TRDN: variants seen among roughly 807,000 people sequenced by gnomAD.
TRDN encodes triadin.
TRDN carries 161 observed loss-of-function variants against 149.7 expected under a neutral mutation model. That is an observed-to-expected ratio of 1.08 (90% confidence interval 0.95 to 1.23). The LOEUF is 1.23. TRDN is among the 50% of genes most tolerant of loss of function. The pLI is 0.00. For missense variants in TRDN, 896 were observed against 823.5 expected, an observed-to-expected ratio of 1.09 and a Z score of -1.08; for synonymous variants, 294 against 250.5, an observed-to-expected ratio of 1.17 and a Z score of -1.64.
chr6:123,271,039 C>CTGTGTGTG lies in TRDN; in HGVS notation c.1720+92_1720+99dup, dbSNP rs35914221. The CTGTGTGTG allele has an allele frequency of 4.9e-3, 2,057 of 420,410 alleles. 32 individuals carry two copies. The highest frequency in any genetic ancestry group is 0.038 in the African/African-American group (1,841 of 48,274). The allele number at this position is 420,410 out of a possible 1,614,324, so 26.0% of individuals were successfully genotyped here. A position where few individuals can be genotyped will look rare whatever the true frequency, so the allele number is the denominator to read the frequency against. On this transcript the variant is annotated intron_variant, in intron 30 of 40. Transcript: ENST00000334268. ...AAAGCCTACACACTTCAGTGAAGGG[C>CTGTGTGTG]TGTGTGTGTGTGTGTGTGTGTGTGT...
At chr6:123,506,547 G>C (rs1442959136) in intron 7 of TRDN, among the ~76,000 whole-genome samples, 1 of 151,778 alleles carries the variant, frequency 6.6e-6, no homozygotes, top group East Asian at 1.9e-4. Context: ...GGAGTGCAAT[G>C]GTGCAATCTT....
intron 37 of TRDN, among the ~76,000 whole-genome samples, chr6:123,253,356 A>C (rs1183078688): frequency 6.6e-6 from 1 of 152,078 alleles, no homozygotes; most frequent in African/African-American, 2.4e-5. Flanking sequence ...TACATGGTTT[A>C]TTTTGAGATT....
chr6:123,350,150 T>C (rs186220948), intron 21 of TRDN: 5 of 970,986 alleles, frequency 5.1e-6, no homozygotes, highest in African/African-American at 3.5e-5. Flanking sequence ...TGATGGTTAG[T>C]AGACAAATCT....
At chr6:123,350,804 A>T in intron 21 of TRDN, 5 of 982,526 alleles carry the variant, frequency 5.1e-6, no homozygotes, top group Non-Finnish European at 6.0e-6. Context: ...CATTGAAAGA[A>T]CCTCATTTTT....
chr6:123,407,978 C>A (rs532564663), intron 12 of TRDN, among the ~76,000 whole-genome samples: 94 of 152,292 alleles, frequency 6.2e-4, no homozygotes, highest in African/African-American at 2.2e-3. Context: ...GGTGCCTGGT[C>A]TGGGTTTAAA....
In TRDN at chr6:123,280,652, CT is replaced by C. The variant is rs34195939; in HGVS notation, c.1511-1571del. Among the ~76,000 whole-genome samples the C allele has an allele frequency of 7.9e-4, 107 of 135,468 alleles. No homozygotes were observed. The East Asian group carries it at 9.4e-3, about 12-fold the overall frequency. The allele number at this position is 135,468 out of a possible 152,430, so 88.9% of individuals were successfully genotyped here. The stretch of plus-strand genomic sequence containing the variant: ...TCTTTTTGTTCCTCTTCTTTTCTTT[CT>C]TTTTTTTTTTTTTTGGCTAACCTCT... On this transcript the variant is annotated intron_variant, in intron 24 of 40. Coordinates refer to ENST00000334268, the MANE Select transcript of TRDN (RefSeq NM_006073.4).
chr6:123,465,233 A>G (rs1005496532), intron 9 of TRDN, among the ~76,000 whole-genome samples: 1 of 152,212 alleles, frequency 6.6e-6, no homozygotes, highest in Admixed American at 6.5e-5. Flanking sequence ...AATGTTAAAT[A>G]TATCTACTGG....
At chr6:123,328,875 T>C (rs1779562582) in intron 23 of TRDN, among the ~76,000 whole-genome samples, 1 of 152,180 alleles carries the variant, frequency 6.6e-6, no homozygotes, top group Admixed American at 6.5e-5. Flanking sequence ...AGCAATTCTG[T>C]TTAAGGATCC....
chr6:123,434,311 G>T (rs1379266107), intron 12 of TRDN, among the ~76,000 whole-genome samples: 3 of 152,132 alleles, frequency 2.0e-5, no homozygotes. Context: ...AGACTCACTT[G>T]CAGCCAGAGT....
Position 123,271,193 on chromosome 6 carries a change from T to C in TRDN, c.1673-7A>G. Reference sequence around the variant, plus strand: ...TGCTTGAGAACTTTTTCTTCTGTGATAGGAAAAAATGTTAACACAAGTAGG... The same window carrying C: ...TGCTTGAGAACTTTTTCTTCTGTGACAGGAAAAAATGTTAACACAAGTAGG... On this transcript the variant is annotated splice_region_variant and splice_polypyrimidine_tract_variant and intron_variant, in intron 29 of 40. Transcript: ENST00000334268. 6.5e-7 allele frequency: 1 copy of C among 1,529,956 alleles called. No individual in the cohort carries two copies. Among genetic ancestry groups the C allele is most frequent in the Non-Finnish European group, 8.8e-7 (1 of 1,138,432 alleles). The allele number at this position is 1,529,956 out of a possible 1,614,324, so 94.8% of individuals were successfully genotyped here.
chr6:123,618,958 G>T (rs550211305), intron 1 of TRDN, among the ~76,000 whole-genome samples: 111 of 151,986 alleles, frequency 7.3e-4, no homozygotes, highest in African/African-American at 2.6e-3. Flanking sequence ...TTTTACTAAA[G>T]GAATAAATGT....
At chr6:123,609,292 CT>C (rs1402299917) in intron 1 of TRDN, among the ~76,000 whole-genome samples, 2 of 151,980 alleles carry the variant, frequency 1.3e-5, no homozygotes. Context: ...CTTATATTTA[CT>C]GATAGGAAAA....
At chr6:123,353,143 G>T (rs1019099171) in intron 20 of TRDN, among the ~76,000 whole-genome samples, 17 of 151,770 alleles carry the variant, frequency 1.1e-4, no homozygotes, top group African/African-American at 3.9e-4. Flanking sequence ...ATTTACAGTA[G>T]TTGACAGTCC....
At chr6:123,524,839 A>G (rs1270996081) in intron 5 of TRDN, among the ~76,000 whole-genome samples, 2 of 152,148 alleles carry the variant, frequency 1.3e-5, no homozygotes, top group African/African-American at 4.8e-5. Flanking sequence ...GATATACAAA[A>G]GTCTTTGTGA....
intron 23 of TRDN, among the ~76,000 whole-genome samples, chr6:123,325,004 T>C (rs1218780662): frequency 2.0e-5 from 3 of 152,188 alleles, no homozygotes; most frequent in Admixed American, 6.6e-5. Flanking sequence ...TAAGATTTTA[T>C]TCTTTAGAAT....
chr6:123,274,193 C>T (rs1478296779), intron 27 of TRDN, among the ~76,000 whole-genome samples: 1 of 152,030 alleles, frequency 6.6e-6, no homozygotes, highest in Non-Finnish European at 1.5e-5. Context: ...CTATGCTAGT[C>T]CTTAGCTCAC....
intron 12 of TRDN, among the ~76,000 whole-genome samples, chr6:123,437,218 A>C (rs1774613822): frequency 6.6e-6 from 1 of 152,034 alleles, no homozygotes; most frequent in East Asian, 1.9e-4. Flanking sequence ...TCTCTTCTCA[A>C]GTTCATTGTA....
intron 20 of TRDN, among the ~76,000 whole-genome samples, chr6:123,353,533 T>A (rs929856714): frequency 8.6e-5 from 13 of 151,680 alleles, no homozygotes; most frequent in African/African-American, 3.1e-4. Flanking sequence ...TTTCATCAAA[T>A]ACAGGATGTA....
At chr6:123,581,479 A>G (rs896063503) in intron 1 of TRDN, among the ~76,000 whole-genome samples, 2 of 152,210 alleles carry the variant, frequency 1.3e-5, no homozygotes, top group Non-Finnish European at 2.9e-5. Context: ...TAGTTATTAA[A>G]TATGAGAAAT....
Sources: gnomAD v4.1 joint callset for allele counts (sites outside exome capture counted in the v4.1 genomes callset) on GRCh38, gnomAD v4.1.1 for gene constraint, MANE v1.5 for transcripts, NCBI Gene and HGNC (gene_info 2026-07-23, HGNC 2026-07-21) for gene names.